The following NDEL1 variants were observed in gnomAD, a reference collection of about 807,000 sequenced individuals.
The protein encoded by NDEL1 is nudE neurodevelopment protein 1 like 1, also known as nuclear distribution protein nudE-like 1.
Under a neutral mutation model 45.7 loss-of-function variants are expected in NDEL1, and 9 were observed. The ratio of observed to expected loss-of-function variants is 0.20; its 90% CI spans 0.12 to 0.34. The LOEUF (loss-of-function observed/expected upper bound fraction) is 0.34, where lower values mean the gene tolerates loss of function less well. Among genes scored for constraint, NDEL1 ranks in the 10% least tolerant of loss-of-function variants. The probability of loss-of-function intolerance (pLI) is 1.00; values close to 1 mark genes in which losing one functional copy is unlikely to be tolerated. For missense variants in NDEL1, 306 were observed against 406.2 expected, an observed-to-expected ratio of 0.75 and a Z score of 2.12; for synonymous variants, 133 against 158.6, an observed-to-expected ratio of 0.84 and a Z score of 1.21.
intron 1 of NDEL1, among the ~76,000 whole-genome samples, chr17:8,438,147 CA>C (rs1471772742): frequency 6.6e-6 from 1 of 152,122 alleles, no homozygotes; most frequent in Non-Finnish European, 1.5e-5. Context: ...TTAGTAGAGA[CA>C]GGGTTTCACC....
chr17:8,455,343 G>A (rs926602910), intron 7 of NDEL1, among the ~76,000 whole-genome samples: 3 of 152,152 alleles, frequency 2.0e-5, no homozygotes, highest in Non-Finnish European at 4.4e-5. Context: ...CTCAACTTCA[G>A]TGCCTTCTCC....
chr17:8,467,024 G>A lies in NDEL1; in HGVS notation c.*1G>A. ...GGGTATGCTGCCTCTCAGTGTGTGAGTGCCTAGCCTCCAGGTGGGGGCTCC... is the reference window on the plus strand; with the variant it reads ...GGGTATGCTGCCTCTCAGTGTGTGAATGCCTAGCCTCCAGGTGGGGGCTCC... On this transcript the variant is annotated 3_prime_UTR_variant, in exon 9 of 9. Transcript: ENST00000334527. This position sits in a 1 kb window ranked among gnomAD's most constrained non-coding sequence, Gnocchi z 6.3. The A allele has an allele frequency of 6.2e-7, 1 of 1,614,028 alleles. No individual in the cohort carries two copies. The highest frequency in any genetic ancestry group is 1.1e-5 in the South Asian group (1 of 91,078).
At chr17:8,436,812 A>T (rs2151704986) in intron 1 of NDEL1, 1 of 152,264 alleles carries the variant, frequency 6.6e-6, no homozygotes, top group Middle Eastern at 3.4e-3. Flanking sequence ...GCAACTGATT[A>T]TGTTATCGCC....
chr17:8,461,326 A>T (rs1406227089), intron 8 of NDEL1: 1 of 152,196 alleles, frequency 6.6e-6, no homozygotes, highest in Non-Finnish European at 1.5e-5. Context: ...GAGAATATAC[A>T]TTTCATTAAG....
chr17:8,451,742 G>A (rs183526479), intron 6 of NDEL1, among the ~76,000 whole-genome samples: 2 of 151,728 alleles, frequency 1.3e-5, no homozygotes, highest in South Asian at 2.1e-4. Context: ...TTTGCAGCTC[G>A]TAGTTCATAT....
rs1283952132 is a variant in NDEL1, at chr17:8,467,847, A to T, written c.*824A>T. 1 of 152,844 alleles carries T rather than the reference A, an allele frequency of 6.5e-6. No individual in the cohort carries two copies. The highest frequency in any genetic ancestry group is 1.9e-4 in the East Asian group (1 of 5,186). The allele number at this position is 152,844 out of a possible 1,614,324, so 9.5% of individuals were successfully genotyped here. On this transcript the variant is annotated 3_prime_UTR_variant, in exon 9 of 9. Coordinates refer to ENST00000334527, the MANE Select transcript of NDEL1 (RefSeq NM_030808.5). This position sits in a 1 kb window ranked among gnomAD's most constrained non-coding sequence, Gnocchi z 6.3. Reference sequence around the variant, plus strand: ...TTAGGAAGGGTGAGTGGCTGGTTCCAGGGTGGGCCGGTGCCAGCTCCGGGG... The same window carrying T: ...TTAGGAAGGGTGAGTGGCTGGTTCCTGGGTGGGCCGGTGCCAGCTCCGGGG...
intron 8 of NDEL1, chr17:8,463,333 A>T: frequency 6.2e-7 from 1 of 1,613,056 alleles, no homozygotes; most frequent in Non-Finnish European, 8.5e-7. Context: ...AGAAAAAGTC[A>T]TATTTCCCAC....
At chr17:8,454,682 T>C in intron 6 of NDEL1, 114 bp from the exon 7 acceptor site, 1 of 721,650 alleles carries the variant, frequency 1.4e-6, no homozygotes. Flanking sequence ...ATCCATAGTT[T>C]GAAGTAGTTT....
chr17:8,466,559 T>C lies in NDEL1; in HGVS notation c.945-371T>C, dbSNP rs190972297. The C allele has an allele frequency of 2.9e-4, 52 of 180,838 alleles. No homozygotes were observed. In the East Asian group the frequency reaches 7.8e-3, roughly 27 times the overall value. 11.2% of individuals were successfully genotyped at this position (180,838 alleles called of 1,614,324 possible). A position where few individuals can be genotyped will look rare whatever the true frequency, so the allele number is the denominator to read the frequency against. On this transcript the variant is annotated intron_variant, in intron 8 of 8. Coordinates refer to ENST00000334527, the MANE Select transcript of NDEL1 (RefSeq NM_030808.5). ...TATTTTCCCATGCTATTAAAAAACT[T>C]GTGGAATGTGTTTTTAATGGCTGTG...
chr17:8,439,250 T>G (rs1370146514), intron 1 of NDEL1, among the ~76,000 whole-genome samples: 2 of 149,206 alleles, frequency 1.3e-5, no homozygotes, highest in Non-Finnish European at 3.0e-5. Flanking sequence ...TTTTTTTTTT[T>G]CTTTTATTTG....
At chr17:8,469,861 A>ATT (rs762773754), downstream of NDEL1, among the ~76,000 whole-genome samples, 78,587 of 128,586 alleles carry the variant, frequency 0.61, 25,641 homozygotes, top group Admixed American at 0.72. Context: ...TGCCTGGCTA[A>ATT]TTTTTTTTTT....
At chr17:8,427,398 C>T (rs1482748018) in intron 1 of NDEL1, among the ~76,000 whole-genome samples, 1 of 152,054 alleles carries the variant, frequency 6.6e-6, no homozygotes, top group Non-Finnish European at 1.5e-5. Flanking sequence ...AGTTGGTTAC[C>T]ATTCAAAGTC....
At chr17:8,441,717 T>A (rs1172194826) in intron 1 of NDEL1, among the ~76,000 whole-genome samples, 1 of 152,200 alleles carries the variant, frequency 6.6e-6, no homozygotes, top group Non-Finnish European at 1.5e-5. Flanking sequence ...GGATTCCTTA[T>A]TTTTCTTGGT....
chr17:8,448,878 G>A (rs976116914), intron 5 of NDEL1, among the ~76,000 whole-genome samples, 192 bp downstream of exon 5: 3 of 152,108 alleles, frequency 2.0e-5, no homozygotes, highest in East Asian at 1.9e-4. Flanking sequence ...TTCAGTATGC[G>A]CCAATTTTGG....
downstream of NDEL1, among the ~76,000 whole-genome samples, chr17:8,471,922 T>C (rs1911841801): frequency 6.6e-6 from 1 of 151,986 alleles, no homozygotes; most frequent in Non-Finnish European, 1.5e-5. Context: ...AAGGGAGAGG[T>C]CCTTTCTTGC....
intron 1 of NDEL1, among the ~76,000 whole-genome samples, chr17:8,420,272 T>C (rs1463636139): frequency 6.6e-6 from 1 of 152,214 alleles, no homozygotes; most frequent in Non-Finnish European, 1.5e-5. Context: ...TGTAAAGCAC[T>C]TACGAGAGTT....
At chr17:8,459,483 C>G (rs1370989380) in intron 7 of NDEL1, among the ~76,000 whole-genome samples, 1 of 152,208 alleles carries the variant, frequency 6.6e-6, no homozygotes, top group South Asian at 2.1e-4. Context: ...AGAGTGCTGT[C>G]AGAAATAAAA....
intron 1 of NDEL1, among the ~76,000 whole-genome samples, chr17:8,413,464 C>T (rs987005261): frequency 6.6e-6 from 1 of 152,224 alleles, no homozygotes; most frequent in African/African-American, 2.4e-5. Context: ...CATAAAGAGA[C>T]GGCTTTGGTG....
intron 5 of NDEL1, 122 bp downstream of exon 5, chr17:8,448,808 G>A: frequency 9.6e-7 from 1 of 1,037,736 alleles, no homozygotes; most frequent in Non-Finnish European, 1.4e-6. Context: ...AGTATTCACG[G>A]CATTCAAAAC....
Sources: gnomAD v4.1 joint callset for allele counts (sites outside exome capture counted in the v4.1 genomes callset) on GRCh38, gnomAD v4.1.1 for gene constraint, Gnocchi (gnomAD v3.1) non-coding constraint, MANE v1.5 for transcripts, NCBI Gene and HGNC (gene_info 2026-07-23, HGNC 2026-07-21) for gene names.